The following SPCS3 variants were observed in gnomAD, a reference collection of about 807,000 sequenced individuals.
SPCS3 encodes SPase 22 kDa subunit.
In SPCS3, 9 loss-of-function variants were observed where a neutral mutation model predicts 17.2. The observed-to-expected ratio is 0.52, with a 90% confidence interval of 0.31 to 0.91. The LOEUF is 0.91. Ranked by LOEUF, SPCS3 falls within the 40% of genes least tolerant of loss-of-function variation. The probability of loss-of-function intolerance (pLI) is 0.04; values close to 1 mark genes in which losing one functional copy is unlikely to be tolerated. For missense variants in SPCS3, 139 were observed against 217.5 expected (o/e 0.64, Z 2.27); for synonymous variants, 87 against 89.6 (o/e 0.97, Z 0.16).
chr4:176,323,846 CTTT>C (rs1224705437), intron 2 of SPCS3, among the ~76,000 whole-genome samples: 4 of 140,084 alleles, frequency 2.9e-5, no homozygotes, highest in Admixed American at 7.1e-5. Context: ...ATCGAGTCCT[CTTT>C]TTTTTTTTTT....
Position 176,320,017 on chromosome 4 carries a change from G to C in SPCS3, c.-60G>C. 8 of 1,426,052 alleles carry C rather than the reference G, an allele frequency of 5.6e-6. No individual in the cohort carries two copies. Among genetic ancestry groups the C allele is most frequent in the Non-Finnish European group, 7.4e-6 (8 of 1,073,992 alleles). 88.3% of individuals were successfully genotyped at this position (1,426,052 alleles called of 1,614,324 possible). On this transcript the variant is annotated 5_prime_UTR_variant, in exon 1 of 5. Coordinates refer to ENST00000503362, the MANE Select transcript of SPCS3 (RefSeq NM_021928.4). ...GGCGCGGATCGCAGGGAGCCGGTCC[G>C]CCGCCGGAACGGGAGCCTGGGTGTG...
intron 2 of SPCS3, 150 bp from the exon 3 acceptor site, chr4:176,324,031 A>G: frequency 2.6e-6 from 1 of 385,004 alleles, no homozygotes; most frequent in South Asian, 4.6e-5. Context: ...TCTTCTGCAT[A>G]TTTTTATTAA....
At chr4:176,325,577 AAG>A (rs1731595515) in intron 3 of SPCS3, among the ~76,000 whole-genome samples, 1 of 151,746 alleles carries the variant, frequency 6.6e-6, no homozygotes, top group African/African-American at 2.4e-5. Context: ...AAAAAAAAAA[AAG>A]AACATGGTGC....
intron 4 of SPCS3, among the ~76,000 whole-genome samples, chr4:176,327,893 G>T (rs577653180): frequency 6.6e-6 from 1 of 152,270 alleles, no homozygotes. Flanking sequence ...CTGATTCTTA[G>T]CTCGTCTCTT....
At chr4:176,327,661 C>G (rs983525499) in intron 4 of SPCS3, among the ~76,000 whole-genome samples, 3 of 152,170 alleles carry the variant, frequency 2.0e-5, no homozygotes, top group African/African-American at 7.2e-5. Flanking sequence ...TATTGGTTCT[C>G]CAAACGTGAC....
Position 176,320,021 on chromosome 4 carries a change from C to G in SPCS3, c.-56C>G. The G allele has an allele frequency of 6.9e-7, 1 of 1,440,282 alleles. No homozygotes were observed. Among genetic ancestry groups the G allele is most frequent in the Non-Finnish European group, 9.2e-7 (1 of 1,081,948 alleles). 89.2% of individuals were successfully genotyped at this position (1,440,282 alleles called of 1,614,324 possible). A position where few individuals can be genotyped will look rare whatever the true frequency, so the allele number is the denominator to read the frequency against. ...CGGATCGCAGGGAGCCGGTCCGCCG[C>G]CGGAACGGGAGCCTGGGTGTGCGTG... On this transcript the variant is annotated 5_prime_UTR_variant, in exon 1 of 5. Coordinates refer to ENST00000503362, the MANE Select transcript of SPCS3 (RefSeq NM_021928.4).
rs551563784 is a variant in SPCS3 at position 176,329,852 on chromosome 4, A to T, written c.*1522A>T. On this transcript the variant is annotated 3_prime_UTR_variant, in exon 5 of 5. Transcript: ENST00000503362. Reference sequence around the variant, plus strand: ...ATAGTTTAAATTACAGACATTTGTTATATTTACCTTATGTGAAATACATCA... The same window carrying T: ...ATAGTTTAAATTACAGACATTTGTTTTATTTACCTTATGTGAAATACATCA... 1 of 152,164 alleles carries T rather than the reference A, an allele frequency of 6.6e-6. No homozygotes were observed. The allele number at this position is 152,164 out of a possible 1,614,324, so 9.4% of individuals were successfully genotyped here.
chr4:176,330,537 A>G lies in SPCS3; in HGVS notation c.*2207A>G, dbSNP rs1731672270. 1 of 152,200 alleles carries G rather than the reference A, an allele frequency of 6.6e-6. No individual in the cohort carries two copies. The highest frequency in any genetic ancestry group is 2.4e-5 in the African/African-American group (1 of 41,462). The allele number at this position is 152,200 out of a possible 1,614,324, so 9.4% of individuals were successfully genotyped here. On this transcript the variant is annotated 3_prime_UTR_variant, in exon 5 of 5. Coordinates refer to ENST00000503362, the MANE Select transcript of SPCS3 (RefSeq NM_021928.4). ...ATGCCCAACTAGTACAATGTGGAGA[A>G]AGTTTTCTGTTTGCTTGACTAAGGG...
At chr4:176,323,819 T>C (rs79630959) in intron 2 of SPCS3, among the ~76,000 whole-genome samples, 10,083 of 152,158 alleles carry the variant, frequency 0.066, 376 homozygotes, top group African/African-American at 0.091. Flanking sequence ...TCCAGTGGAA[T>C]TGTATTTGCT....
intron 3 of SPCS3, among the ~76,000 whole-genome samples, chr4:176,325,094 C>T (rs925878394): frequency 9.4e-5 from 14 of 148,990 alleles, no homozygotes; most frequent in Admixed American, 2.0e-4. Context: ...GCTTGTAGCC[C>T]GGGCTGGAGT....
At position 176,331,495 on chromosome 4, in the gene SPCS3, A is replaced by G. The variant is rs554492022; in HGVS notation, c.*3165A>G. The G allele has an allele frequency of 7.2e-5, 11 of 152,312 alleles. No homozygotes were observed. The highest frequency in any genetic ancestry group is 1.5e-4 in the Non-Finnish European group (10 of 68,020). 9.4% of individuals were successfully genotyped at this position (152,312 alleles called of 1,614,324 possible). A position where few individuals can be genotyped will look rare whatever the true frequency, so the allele number is the denominator to read the frequency against. ...AAAATTGTTGCATGTTTTTGATGCA[A>G]TTTGGGAAATTGTTTACTTCACAAT... On this transcript the variant is annotated 3_prime_UTR_variant, in exon 5 of 5. Transcript: ENST00000503362.
chr4:176,321,569 T>TATGTACATAC (rs1731539079), intron 1 of SPCS3: 1 of 152,274 alleles, frequency 6.6e-6, no homozygotes, highest in Non-Finnish European at 1.5e-5. Context: ...GGTTTTTTCC[T>TATGTACATAC]ATACCGTACA....
rs982592033 is a variant in SPCS3, at chr4:176,328,786, A to G, written c.*456A>G. 6.6e-6 allele frequency: 1 copy of G among 152,130 alleles called. No homozygotes were observed. The highest frequency in any genetic ancestry group is 2.1e-4 in the South Asian group (1 of 4,836). The allele number at this position is 152,130 out of a possible 1,614,324, so 9.4% of individuals were successfully genotyped here. A position where few individuals can be genotyped will look rare whatever the true frequency, so the allele number is the denominator to read the frequency against. On this transcript the variant is annotated 3_prime_UTR_variant, in exon 5 of 5. Transcript: ENST00000503362. ...CATTCTCTTTTTCCTCTTTTAGGAT[A>G]TGTTTGATTACTGGAAAATTAATAT...
chr4:176,321,320 A>G (rs1161367093), intron 1 of SPCS3: 1 of 152,168 alleles, frequency 6.6e-6, no homozygotes, highest in Non-Finnish European at 1.5e-5. Flanking sequence ...TGTTGTCTTG[A>G]GCAAGTTTTC....
Position 176,330,086 on chromosome 4 carries a change from C to T in SPCS3, c.*1756C>T, listed in dbSNP as rs1731663584. 6.6e-6 allele frequency: 1 copy of T among 152,078 alleles called. No homozygotes were observed. The highest frequency in any genetic ancestry group is 2.4e-5 in the African/African-American group (1 of 41,410). The allele number at this position is 152,078 out of a possible 1,614,324, so 9.4% of individuals were successfully genotyped here. ...AGTTGGACCAGTTAACTTTAATGGC[C>T]ATCCTTTTACACCACACAAGTTGAT... On this transcript the variant is annotated 3_prime_UTR_variant, in exon 5 of 5. Coordinates refer to ENST00000503362, the MANE Select transcript of SPCS3 (RefSeq NM_021928.4).
intron 4 of SPCS3, 75 bp downstream of exon 4, chr4:176,327,352 G>T: frequency 5.5e-6 from 5 of 915,388 alleles, no homozygotes; most frequent in Non-Finnish European, 4.7e-6. Context: ...TTATTTTAAA[G>T]AAAAATACTT....
At chr4:176,327,395 A>G (rs1731621531) in intron 4 of SPCS3, 118 bp downstream of exon 4, 2 of 578,116 alleles carry the variant, frequency 3.5e-6, no homozygotes, top group South Asian at 2.3e-5. Context: ...GGAAAGAAGT[A>G]TTTATGCATA....
chr4:176,322,659 G>A (rs1731554004), intron 2 of SPCS3, among the ~76,000 whole-genome samples: 1 of 152,058 alleles, frequency 6.6e-6, no homozygotes, highest in South Asian at 2.1e-4. Context: ...TGTTTAAAAA[G>A]TGAATTACGT....
At chr4:176,321,100 GTTTA>G (rs1385480624) in intron 1 of SPCS3, 1 of 150,540 alleles carries the variant, frequency 6.6e-6, no homozygotes, top group Non-Finnish European at 1.5e-5. Context: ...TTTAACCTTA[GTTTA>G]TTTCTTTGTC....
Sources: allele counts gnomAD v4.1 joint callset (sites outside exome capture counted in the v4.1 genomes callset), GRCh38; gene constraint gnomAD v4.1.1; transcripts MANE v1.5; gene names NCBI Gene and HGNC (gene_info 2026-07-23, HGNC 2026-07-21).